The following PER3 variants were observed in gnomAD, a reference collection of about 807,000 sequenced individuals.
The protein encoded by PER3 is period circadian protein homolog 3.
Under a neutral mutation model 127.2 loss-of-function variants are expected in PER3, and 107 were observed. That is an observed-to-expected ratio of 0.84 (90% CI 0.72 to 0.99). The LOEUF (loss-of-function observed/expected upper bound fraction) is 0.99. PER3 is among the 50% of genes least tolerant of loss of function. PER3 has a pLI of 0.00. For missense variants in PER3, 1,560 were observed against 1,525.8 expected, an observed-to-expected ratio of 1.02 and a Z score of -0.37; for synonymous variants, 618 against 585.8, an observed-to-expected ratio of 1.05 and a Z score of -0.79.
intron 6 of PER3, 92 bp downstream of exon 6, chr1:7,794,100 T>C (rs1029091937): frequency 9.8e-7 from 1 of 1,020,240 alleles, no homozygotes; most frequent in African/African-American, 1.6e-5. Context: ...TCAGCTCACT[T>C]CTGTTGCGAG....
chr1:7,824,728 G>A (rs2097293355), intron 16 of PER3, among the ~76,000 whole-genome samples: 1 of 152,202 alleles, frequency 6.6e-6, no homozygotes, highest in Admixed American at 6.5e-5. Context: ...GACAAATAGT[G>A]TGTAGTCTAG....
At chr1:7,796,319 C>CTTTTTTTTTTTTTTTT (rs71567315) in intron 6 of PER3, among the ~76,000 whole-genome samples, 1 of 109,818 alleles carries the variant, frequency 9.1e-6, no homozygotes, top group Non-Finnish European at 1.8e-5. Flanking sequence ...TTTCAGTTTC[C>CTTTTTTTTTTTTTTTT]TTTTTTTTTT....
At chr1:7,827,901 C>T in intron 18 of PER3, 86 bp downstream of exon 18, 1 of 1,012,442 alleles carries the variant, frequency 9.9e-7, no homozygotes, top group Non-Finnish European at 1.5e-6. Flanking sequence ...TCAGTGCTGA[C>T]ATTCTCAGTA....
In PER3 at chr1:7,820,231, C is replaced by G. The variant is rs779311943; in HGVS notation, c.1775C>G (p.Ala592Gly). The change falls in exon 15 of 22, where the codon GCC becomes GGC. Residue 592 changes from alanine (A) to glycine (G), a missense_variant. Physicochemically the swap from Ala to Gly is moderately conservative, Grantham distance 60. Transcript: ENST00000377532. ...KQNHKADDVQ[A>G]LQAGLQIPAI... ...AACCACAAGGCAGATGATGTCCAAG[C>G]CTTACAAGGTAACAAGAATGCCCCT... is the stretch of plus-strand genomic sequence containing the variant. 6 of 1,611,976 alleles carry G rather than the reference C, an allele frequency of 3.7e-6. No homozygotes were observed. The African/African-American group carries it at 8.0e-5, about 22-fold the overall frequency.
intron 13 of PER3, among the ~76,000 whole-genome samples, chr1:7,818,014 T>G (rs991695334): frequency 7.9e-5 from 12 of 152,150 alleles, no homozygotes; most frequent in Admixed American, 2.6e-4. Context: ...ACACTGCACC[T>G]CCGCCGCATT....
At chr1:7,823,826 C>T (rs1465186120) in intron 16 of PER3, among the ~76,000 whole-genome samples, 1 of 152,020 alleles carries the variant, frequency 6.6e-6, no homozygotes, top group Non-Finnish European at 1.5e-5. Flanking sequence ...AACGTGAGAC[C>T]CAGTAACTGT....
intron 19 of PER3, among the ~76,000 whole-genome samples, chr1:7,835,537 T>A (rs1310732644): frequency 1.3e-5 from 2 of 152,230 alleles, no homozygotes; most frequent in African/African-American, 4.8e-5. Context: ...TAAAGGACAA[T>A]GTGTGTAGCC....
rs368645788 is a variant in PER3, at chr1:7,798,639, C to T, written c.759C>T (p.Leu253=). The stretch of plus-strand genomic sequence containing the variant: ...AATTGGAATCGGAACCTTGCTGTCT[C>T]ACTGTGGTTGAAAAGATTCACTCTG... ...QPELESEPCC[L]TVVEKIHSGY... Residue 253 remains leucine (L), a synonymous_variant, in exon 7 of 22, where the codon CTC becomes CTT. Transcript: ENST00000377532. The T allele has an allele frequency of 1.2e-6, 2 of 1,613,730 alleles. No homozygotes were observed. Among genetic ancestry groups the T allele is most frequent in the African/African-American group, 2.7e-5 (2 of 74,918 alleles).
At chr1:7,827,836 A>G (rs2097310172) in intron 18 of PER3, 21 bp downstream of exon 18, 5 of 1,548,396 alleles carry the variant, frequency 3.2e-6, no homozygotes, top group Non-Finnish European at 4.4e-6. Context: ...CTCATTTTCA[A>G]CACTCAAGTG....
chr1:7,808,349 C>T (rs548910194), intron 10 of PER3, among the ~76,000 whole-genome samples: 1 of 151,780 alleles, frequency 6.6e-6, no homozygotes, highest in South Asian at 2.1e-4. Context: ...GGCATGTGTG[C>T]CATTCACTGT....
In PER3 at chr1:7,835,787, T is replaced by C; in HGVS notation, c.3240T>C (p.Leu1080=). ...ASGSSDSSIY[L]TSSVYSSKIS... ...GAAGCAGCGACAGCAGTATATACCT[T>C]ACTAGTAGTGTTTATTCTTCTAAAA... is the stretch of plus-strand genomic sequence containing the variant. The change falls in exon 20 of 22, where the codon CTT becomes CTC. Residue 1080 remains leucine, a synonymous_variant. Coordinates refer to ENST00000377532, the MANE Select transcript of PER3 (RefSeq NM_001377275.1). 6.2e-7 allele frequency: 1 copy of C among 1,612,174 alleles called. No individual in the cohort carries two copies. Among genetic ancestry groups the C allele is most frequent in the Non-Finnish European group, 8.5e-7 (1 of 1,178,304 alleles).
At chr1:7,793,536 A>T (rs376160870) in intron 5 of PER3, among the ~76,000 whole-genome samples, 1 of 152,224 alleles carries the variant, frequency 6.6e-6, no homozygotes, top group East Asian at 1.9e-4. Context: ...AGAAAATTAT[A>T]TATCGTATAG....
chr1:7,786,545 CTT>C (rs1472259200), intron 3 of PER3, among the ~76,000 whole-genome samples, 174 bp from the exon 4 acceptor site: 3 of 152,262 alleles, frequency 2.0e-5, no homozygotes, highest in Admixed American at 6.5e-5. Context: ...AAAATCAAAT[CTT>C]AAGTTTGCAC....
rs2097403830 is a variant in PER3 at position 7,844,726 on chromosome 1, T to TG, written c.*1974dup. On this transcript the variant is annotated 3_prime_UTR_variant, in exon 22 of 22. Transcript: ENST00000377532. ...CAGAGCATGAGGAGCGCTCCTCCTG[T>TG]GGGTGGACGCATTCACGCACTCCCA... The TG allele has an allele frequency of 6.5e-6, 1 of 152,774 alleles. No individual in the cohort carries two copies. The highest frequency in any genetic ancestry group is 2.4e-5 in the African/African-American group (1 of 41,468). 9.5% of individuals were successfully genotyped at this position (152,774 alleles called of 1,614,324 possible).
At chr1:7,798,310 A>G (rs1343313523) in intron 6 of PER3, among the ~76,000 whole-genome samples, 1 of 152,236 alleles carries the variant, frequency 6.6e-6, no homozygotes, top group Non-Finnish European at 1.5e-5. Context: ...ACTCACAGTA[A>G]TCTAAGCCAG....
At position 7,784,319 on chromosome 1, in the gene PER3, C is replaced by A. The variant is rs1317158451; in HGVS notation, c.-282C>A. Reference sequence around the variant, plus strand: ...CGGCACGCGGCGAGCCTCGAGACTGCGCGAGGGCGGCCCCGGGGGCGAGCG... The same window carrying A: ...CGGCACGCGGCGAGCCTCGAGACTGAGCGAGGGCGGCCCCGGGGGCGAGCG... On this transcript the variant is annotated 5_prime_UTR_variant, in exon 1 of 22. Coordinates refer to ENST00000377532, the MANE Select transcript of PER3 (RefSeq NM_001377275.1). The A allele has an allele frequency of 1.3e-5, 2 of 149,992 alleles. No homozygotes were observed. The highest frequency in any genetic ancestry group is 3.0e-5 in the Non-Finnish European group (2 of 67,240). The allele number at this position is 149,992 out of a possible 1,614,324, so 9.3% of individuals were successfully genotyped here. A position where few individuals can be genotyped will look rare whatever the true frequency, so the allele number is the denominator to read the frequency against.
intron 10 of PER3, 57 bp downstream of exon 10, chr1:7,803,905 T>G: frequency 2.1e-6 from 3 of 1,417,330 alleles, no homozygotes; most frequent in Non-Finnish European, 3.0e-6. Context: ...ATAATATTCC[T>G]TAGCTTATTG....
chr1:7,792,998 C>A (rs1017298081), intron 5 of PER3, among the ~76,000 whole-genome samples: 1 of 152,160 alleles, frequency 6.6e-6, no homozygotes, highest in Non-Finnish European at 1.5e-5. Context: ...AAGATTATAC[C>A]AATCTTCAGT....
intron 7 of PER3, 38 bp from the exon 8 acceptor site, chr1:7,801,074 TA>T: frequency 3.5e-6 from 4 of 1,134,848 alleles, no homozygotes; most frequent in Non-Finnish European, 5.3e-6. Flanking sequence ...ATTAATTAGA[TA>T]TTTGCCTTTA....
Sources: allele counts gnomAD v4.1 joint callset (sites outside exome capture counted in the v4.1 genomes callset), GRCh38; gene constraint gnomAD v4.1.1; transcripts MANE v1.5; gene names NCBI Gene and HGNC (gene_info 2026-07-23, HGNC 2026-07-21).